Variants in TMT1B observed in about 807,000 individuals in gnomAD.
TMT1B encodes the protein thiol methyltransferase 1B.
At chr12:55,681,999 G>A in the TMT1B span, 3 of 1,614,126 alleles carry the variant, frequency 1.9e-6, no homozygotes, top group African/African-American at 2.7e-5. Flanking sequence ...TGCGGAACCG[G>A]AGCCAACTTT....
the TMT1B span, chr12:55,682,276 G>A: frequency 6.3e-7 from 1 of 1,595,882 alleles, no homozygotes; most frequent in Non-Finnish European, 8.6e-7. Flanking sequence ...GAAGGGGATG[G>A]GTGTGGGGCA....
the TMT1B span, among the ~76,000 whole-genome samples, chr12:55,683,117 C>T: frequency 6.6e-6 from 1 of 152,152 alleles, no homozygotes; most frequent in Non-Finnish European, 1.5e-5. Flanking sequence ...CCTGAGGTTT[C>T]CCTGGGATGT....
At chr12:55,682,808 A>AAGAG in the TMT1B span, among the ~76,000 whole-genome samples, 11 of 148,364 alleles carry the variant, frequency 7.4e-5, no homozygotes, top group South Asian at 1.3e-3. Context: ...AATAAATAAA[A>AAGAG]AGAGAGAGAG....
At chr12:55,683,984 C>G in the TMT1B span, 1 of 1,614,012 alleles carries the variant, frequency 6.2e-7, no homozygotes. Context: ...CCAAATGGAA[C>G]GACAGCCCCC....
chr12:55,684,017 G>A, the TMT1B span: 2 of 1,613,506 alleles, frequency 1.2e-6, no homozygotes, highest in African/African-American at 2.7e-5. Flanking sequence ...GCTACCTGTT[G>A]GGCCCCACAT....
At chr12:55,682,250 C>G in the TMT1B span, 2 of 1,609,014 alleles carry the variant, frequency 1.2e-6, no homozygotes, top group Non-Finnish European at 1.7e-6. Context: ...AGTACTGAGA[C>G]CGGTAAGCAG....
chr12:55,681,937 G>A, the TMT1B span: 27 of 1,614,072 alleles, frequency 1.7e-5, no homozygotes, highest in Non-Finnish European at 2.3e-5. Context: ...TCTTCAGCCA[G>A]ATAAAGGGGC....
At chr12:55,682,334 C>T in the TMT1B span, 6 of 1,396,212 alleles carry the variant, frequency 4.3e-6, no homozygotes, top group South Asian at 1.4e-5. Context: ...CAGAATGGGG[C>T]GTCTGAGGTA....
the TMT1B span, chr12:55,682,235 C>T: frequency 2.4e-5 from 38 of 1,612,582 alleles, no homozygotes; most frequent in African/African-American, 2.4e-4. Context: ...GCAGGAGGTC[C>T]GGAGAGTACT....
the TMT1B span, chr12:55,683,982 A>G: frequency 1.2e-6 from 2 of 1,614,052 alleles, no homozygotes; most frequent in South Asian, 1.1e-5. Context: ...ATCCAAATGG[A>G]ACGACAGCCC....
the TMT1B span, among the ~76,000 whole-genome samples, chr12:55,683,600 C>T: frequency 6.6e-6 from 1 of 152,182 alleles, no homozygotes; most frequent in Non-Finnish European, 1.5e-5. Context: ...AAAGATCTCC[C>T]ACCAGCCACT....
At chr12:55,683,730 A>C in the TMT1B span, 1 of 1,366,702 alleles carries the variant, frequency 7.3e-7, no homozygotes, top group Non-Finnish European at 1.0e-6. Flanking sequence ...CATTTCACCA[A>C]GAAGTTTGAC....
At chr12:55,682,057 C>T in the TMT1B span, 2 of 1,614,234 alleles carry the variant, frequency 1.2e-6, no homozygotes, top group South Asian at 2.2e-5. Context: ...ACCCAAATCC[C>T]CACTTTGAGA....
chr12:55,684,165 A>T, the TMT1B span: 1 of 958,606 alleles, frequency 1.0e-6, no homozygotes, highest in South Asian at 1.5e-5. Flanking sequence ...GAGAGAAGAC[A>T]TTCATGTACC....
the TMT1B span, chr12:55,682,328 A>T: frequency 1.4e-6 from 2 of 1,453,562 alleles, no homozygotes; most frequent in Non-Finnish European, 1.9e-6. Flanking sequence ...GGCCCCCAGA[A>T]TGGGGCGTCT....
chr12:55,682,183 C>A, the TMT1B span: 1 of 1,613,958 alleles, frequency 6.2e-7, no homozygotes, highest in South Asian at 1.1e-5. Flanking sequence ...TGGTGGTCTG[C>A]ACTCTGGTGC....
the TMT1B span, chr12:55,682,272 G>A: frequency 1.9e-6 from 3 of 1,599,172 alleles, no homozygotes; most frequent in Admixed American, 5.1e-5. Flanking sequence ...GTGGGAAGGG[G>A]ATGGGTGTGG....
At chr12:55,683,343 A>G in the TMT1B span, among the ~76,000 whole-genome samples, 2 of 152,074 alleles carry the variant, frequency 1.3e-5, no homozygotes, top group East Asian at 1.9e-4. Context: ...AAAAATACAA[A>G]AAGTAGCCGG....
At chr12:55,682,320 C>T in the TMT1B span, 8 of 1,508,038 alleles carry the variant, frequency 5.3e-6, no homozygotes, top group South Asian at 1.3e-5. Context: ...CAGGGTTCGG[C>T]CCCCAGAATG....
Sources: allele counts gnomAD v4.1 joint callset (sites outside exome capture counted in the v4.1 genomes callset), GRCh38; gene constraint gnomAD v4.1.1; transcripts MANE v1.5; gene names NCBI Gene and HGNC (gene_info 2026-07-23, HGNC 2026-07-21).